EIF4E3: variants seen among roughly 807,000 people sequenced by gnomAD.
EIF4E3 encodes the protein eukaryotic translation initiation factor 4E type 3.
A neutral mutation model predicts 31.7 loss-of-function variants in EIF4E3; 26 were observed. That is an observed-to-expected ratio of 0.82 (90% CI 0.60 to 1.14). The LOEUF is 1.14. EIF4E3 is among the 50% of genes most tolerant of loss of function. EIF4E3 has a pLI of 0.00. For missense variants in EIF4E3, 304 were observed against 270.9 expected, an observed-to-expected ratio of 1.12 and a Z score of -0.86; for synonymous variants, 128 against 107.7, an observed-to-expected ratio of 1.19 and a Z score of -1.17.
In EIF4E3 at chr3:71,725,203, G is replaced by A; in HGVS notation, c.165C>T (p.Phe55=). 1 of 1,124,790 alleles carries A rather than the reference G, an allele frequency of 8.9e-7. No individual in the cohort carries two copies. The allele number at this position is 1,124,790 out of a possible 1,614,324, so 69.7% of individuals were successfully genotyped here. ...CCGCGCCCCCTCACCTGTCGAGCCA[G>A]AAGGTCCAGGACGAGTGCAGCGGGA... ...GGVPLHSSWT[F]WLDRSLPGAT... Residue 55 remains phenylalanine (F), a synonymous_variant, in exon 1 of 7, where the codon TTC becomes TTT. Transcript: ENST00000425534. This position sits in a 1 kb window ranked among gnomAD's most constrained non-coding sequence, Gnocchi z 6.1.
upstream of EIF4E3, chr3:71,753,652 C>A: frequency 6.7e-6 from 1 of 148,192 alleles, no homozygotes; most frequent in South Asian, 1.8e-4. Flanking sequence ...GGCTCCGCGG[C>A]GGCGGCGGCG....
At chr3:71,697,309 C>T (rs757677795) in intron 3 of EIF4E3, among the ~76,000 whole-genome samples, 4 of 152,184 alleles carry the variant, frequency 2.6e-5, no homozygotes, top group African/African-American at 7.2e-5. Context: ...GCATGAGCCA[C>T]CATATCTGGC....
At chr3:71,716,508 C>T (rs1559603806) in intron 1 of EIF4E3, among the ~76,000 whole-genome samples, 3 of 152,234 alleles carry the variant, frequency 2.0e-5, no homozygotes, top group Admixed American at 1.3e-4. Context: ...GCTGGGATTA[C>T]AGGCATGAGC....
upstream of EIF4E3, chr3:71,754,532 C>G: frequency 7.4e-7 from 1 of 1,342,960 alleles, no homozygotes; most frequent in Non-Finnish European, 9.6e-7. The surrounding 1 kb of genome is among the most constrained non-coding windows in gnomAD (Gnocchi z 5.8). Context: ...CAGTGCTGGA[C>G]GGCGGTGGCG....
chr3:71,725,474 C>A, upstream of EIF4E3: 1 of 657,578 alleles, frequency 1.5e-6, no homozygotes, highest in South Asian at 6.6e-5. The surrounding 1 kb of genome is among the most constrained non-coding windows in gnomAD (Gnocchi z 6.1). Flanking sequence ...CCCGCCCCGC[C>A]CCGGGCTAGC....
At chr3:71,708,211 C>A (rs938394186) in intron 2 of EIF4E3, among the ~76,000 whole-genome samples, 4 of 152,074 alleles carry the variant, frequency 2.6e-5, no homozygotes, top group African/African-American at 9.7e-5. Context: ...TCATTGAGTG[C>A]AAAGGACCAG....
chr3:71,717,301 G>GT (rs1559604156), intron 1 of EIF4E3, among the ~76,000 whole-genome samples: 2 of 152,112 alleles, frequency 1.3e-5, no homozygotes, highest in Admixed American at 1.3e-4. Flanking sequence ...TCAAGTTATC[G>GT]TAAGAAATGC....
At chr3:71,711,476 C>A (rs1439039640) in intron 1 of EIF4E3, among the ~76,000 whole-genome samples, 1 of 152,140 alleles carries the variant, frequency 6.6e-6, no homozygotes, top group Non-Finnish European at 1.5e-5. Context: ...AAACTGATCC[C>A]AGAGACGTTG....
chr3:71,671,330 G>C (rs1362627798), downstream of EIF4E3, among the ~76,000 whole-genome samples: 3 of 152,034 alleles, frequency 2.0e-5, no homozygotes, highest in African/African-American at 7.2e-5. Flanking sequence ...CCCAGCAGAG[G>C]GCTGCAGAGA....
intron 6 of EIF4E3, among the ~76,000 whole-genome samples, chr3:71,687,482 T>A (rs1180264300): frequency 6.6e-6 from 1 of 152,222 alleles, no homozygotes; most frequent in Non-Finnish European, 1.5e-5. Flanking sequence ...CTGAAAAATG[T>A]AAAAAGCATT....
At chr3:71,754,746 G>A, upstream of EIF4E3, 1 of 1,384,984 alleles carries the variant, frequency 7.2e-7, no homozygotes, top group Non-Finnish European at 9.4e-7. This position sits in a 1 kb window ranked among gnomAD's most constrained non-coding sequence, Gnocchi z 5.8. Context: ...CCACGGCCCG[G>A]GCGCCACCGG....
intron 1 of EIF4E3, among the ~76,000 whole-genome samples, chr3:71,722,154 G>A (rs972203069): frequency 2.6e-5 from 4 of 152,216 alleles, no homozygotes; most frequent in Non-Finnish European, 5.9e-5. Context: ...TGGGCAACTG[G>A]AAGGATAGAC....
At chr3:71,704,226 T>C (rs2049258868) in intron 2 of EIF4E3, among the ~76,000 whole-genome samples, 1 of 152,106 alleles carries the variant, frequency 6.6e-6, no homozygotes, top group South Asian at 2.1e-4. Context: ...AGAAAGTTAG[T>C]AAAAACCAAC....
intron 1 of EIF4E3, among the ~76,000 whole-genome samples, chr3:71,744,504 T>C (rs2049851908): frequency 2.6e-5 from 4 of 152,212 alleles, no homozygotes; most frequent in Admixed American, 2.6e-4. Flanking sequence ...CCCAGCACTT[T>C]GGGAGGCCGA....
intron 6 of EIF4E3, among the ~76,000 whole-genome samples, chr3:71,688,043 G>C (rs2049016630): frequency 6.6e-6 from 1 of 151,682 alleles, no homozygotes; most frequent in East Asian, 1.9e-4. Context: ...ATTTTTATTT[G>C]AACAATCTTT....
intron 2 of EIF4E3, among the ~76,000 whole-genome samples, chr3:71,701,541 G>T (rs1459258614): frequency 6.6e-6 from 1 of 152,168 alleles, no homozygotes; most frequent in African/African-American, 2.4e-5. Flanking sequence ...AAGAAATATT[G>T]TTCTGTGTGG....
intron 5 of EIF4E3, among the ~76,000 whole-genome samples, chr3:71,693,406 C>A (rs970971498): frequency 6.6e-6 from 1 of 152,018 alleles, no homozygotes; most frequent in African/African-American, 2.4e-5. Context: ...GAGAACAAGA[C>A]GAAGGGGTTA....
At chr3:71,693,193 TG>T (rs2049087302) in intron 5 of EIF4E3, among the ~76,000 whole-genome samples, 1 of 152,260 alleles carries the variant, frequency 6.6e-6, no homozygotes, top group Non-Finnish European at 1.5e-5. Flanking sequence ...AATTAAATTC[TG>T]CTCTTTGAAT....
At chr3:71,674,915 A>G (rs552863416), downstream of EIF4E3, among the ~76,000 whole-genome samples, 47 of 152,308 alleles carry the variant, frequency 3.1e-4, 1 homozygote, top group African/African-American at 1.1e-3. Context: ...AGCGAATAGA[A>G]TTTCAACCCA....
Sources: gnomAD v4.1 joint callset for allele counts (sites outside exome capture counted in the v4.1 genomes callset) on GRCh38, gnomAD v4.1.1 for gene constraint, Gnocchi (gnomAD v3.1) non-coding constraint, MANE v1.5 for transcripts, NCBI Gene and HGNC (gene_info 2026-07-23, HGNC 2026-07-21) for gene names.